LDB2: variants seen among roughly 807,000 people sequenced by gnomAD.
LDB2 encodes the protein LIM domain-binding protein 2.
A neutral mutation model predicts 44.3 loss-of-function variants in LDB2; 12 were observed. The ratio of observed to expected loss-of-function variants is 0.27; its 90% CI spans 0.17 to 0.44. The LOEUF (loss-of-function observed/expected upper bound fraction) is 0.44. LDB2 is among the 20% of genes least tolerant of loss of function. The pLI, the probability that LDB2 is intolerant of heterozygous loss-of-function variation, is 1.00. For synonymous variants in LDB2, 164 were observed against 174.8 expected (o/e 0.94, Z 0.49); for missense variants, 344 against 473.5 (o/e 0.73, Z 2.54).
intron 2 of LDB2, among the ~76,000 whole-genome samples, chr4:16,724,375 T>G (rs1758976758): frequency 6.6e-6 from 1 of 151,214 alleles, no homozygotes. Context: ...GAAAATCACC[T>G]TAGTTTGGCA....
At chr4:16,891,498 A>T (rs1723398407) in intron 1 of LDB2, among the ~76,000 whole-genome samples, 1 of 151,858 alleles carries the variant, frequency 6.6e-6, no homozygotes, top group Non-Finnish European at 1.5e-5. Flanking sequence ...TTTTTAGTAG[A>T]GGCAGGGTTT....
chr4:16,777,787 G>T (rs914126627), intron 1 of LDB2, among the ~76,000 whole-genome samples: 8 of 152,176 alleles, frequency 5.3e-5, no homozygotes, highest in African/African-American at 1.9e-4. Context: ...GATCATATGT[G>T]CAGAGTGCTT....
chr4:16,738,546 G>A (rs1304054608), intron 2 of LDB2, among the ~76,000 whole-genome samples: 1 of 152,064 alleles, frequency 6.6e-6, no homozygotes, highest in Non-Finnish European at 1.5e-5. Context: ...TTAACCCTTT[G>A]GTACATAAAA....
At chr4:16,655,896 C>CTT (rs747097456) in intron 2 of LDB2, among the ~76,000 whole-genome samples, 1,173 of 93,218 alleles carry the variant, frequency 0.013, 118 homozygotes, top group African/African-American at 0.048. Flanking sequence ...TGCAAGAAAA[C>CTT]TTTTTTTTTT....
At chr4:16,790,978 C>T (rs1046102575) in intron 1 of LDB2, among the ~76,000 whole-genome samples, 1 of 152,150 alleles carries the variant, frequency 6.6e-6, no homozygotes, top group Non-Finnish European at 1.5e-5. Flanking sequence ...TTCTTCACAC[C>T]CTTTTTGCTC....
At chr4:16,765,891 CTT>C (rs1177963513) in intron 1 of LDB2, among the ~76,000 whole-genome samples, 1 of 152,074 alleles carries the variant, frequency 6.6e-6, no homozygotes, top group African/African-American at 2.4e-5. Flanking sequence ...TTTGAGCCAC[CTT>C]TGGAGTATTA....
At chr4:16,697,461 C>CA (rs536264550) in intron 2 of LDB2, among the ~76,000 whole-genome samples, 3,523 of 138,300 alleles carry the variant, frequency 0.025, 43 homozygotes, top group South Asian at 0.034. Flanking sequence ...GACTCCGTCC[C>CA]AAAAAAAAAA....
chr4:16,506,449 C>T (rs1327810365), intron 7 of LDB2: 1 of 155,680 alleles, frequency 6.4e-6, no homozygotes, highest in Non-Finnish European at 1.4e-5. Context: ...TACAGGTAAC[C>T]TCCAGTAAAA....
intron 5 of LDB2, among the ~76,000 whole-genome samples, chr4:16,584,211 C>A (rs144036848): frequency 0.018 from 2,669 of 152,230 alleles, 34 homozygotes; most frequent in South Asian, 0.051. Context: ...GTGCTAAGCC[C>A]TTTACATGGA....
chr4:16,731,350 T>C (rs764405450), intron 2 of LDB2, among the ~76,000 whole-genome samples: 7 of 152,162 alleles, frequency 4.6e-5, no homozygotes, highest in Non-Finnish European at 1.0e-4. Context: ...TCCTTCAGAA[T>C]TCGTATGTTG....
At chr4:16,895,434 C>A (rs548412227) in intron 1 of LDB2, among the ~76,000 whole-genome samples, 1 of 152,048 alleles carries the variant, frequency 6.6e-6, no homozygotes. Flanking sequence ...TTTCCAGAAA[C>A]TTGATTACAA....
In LDB2 at chr4:16,725,077, C is replaced by A. The variant is rs868804217; in HGVS notation, c.235+34081G>T. On this transcript the variant is annotated intron_variant, in intron 2 of 7. Transcript: ENST00000304523. The stretch of plus-strand genomic sequence containing the variant: ...AGGACTTATCCACTTCTCTCTTTTG[C>A]AACTGCTTGTCCACATATAGAAGCA... Among the ~76,000 whole-genome samples the A allele has an allele frequency of 7.2e-5, 11 of 152,258 alleles. 1 individual carries two copies. In the South Asian group the frequency reaches 1.0e-3, roughly 14 times the overall value.
At chr4:16,719,254 A>G (rs1163427028) in intron 2 of LDB2, among the ~76,000 whole-genome samples, 2 of 152,130 alleles carry the variant, frequency 1.3e-5, no homozygotes, top group African/African-American at 4.8e-5. Context: ...CTCCTTCAGT[A>G]AAGGCTAAAA....
intron 5 of LDB2, among the ~76,000 whole-genome samples, chr4:16,581,746 C>T (rs1429507337): frequency 2.0e-5 from 3 of 152,152 alleles, no homozygotes; most frequent in South Asian, 2.1e-4. Flanking sequence ...TCTTTTGTGC[C>T]TGGAATCAGA....
intron 2 of LDB2, among the ~76,000 whole-genome samples, chr4:16,637,299 ATTTTTTT>A (rs34484721): frequency 1.5e-4 from 13 of 85,482 alleles, no homozygotes; most frequent in African/African-American, 2.9e-4. Flanking sequence ...GCCTAGGCTG[ATTTTTTT>A]TTTTTTTTTT....
At chr4:16,535,176 G>A (rs1731381591) in intron 5 of LDB2, among the ~76,000 whole-genome samples, 1 of 152,186 alleles carries the variant, frequency 6.6e-6, no homozygotes, top group South Asian at 2.1e-4. Flanking sequence ...AAAACCATTT[G>A]GATGACCGTG....
At chr4:16,556,124 C>A (rs1167021684) in intron 5 of LDB2, among the ~76,000 whole-genome samples, 1 of 152,184 alleles carries the variant, frequency 6.6e-6, no homozygotes, top group Non-Finnish European at 1.5e-5. Flanking sequence ...AGGCAAATTT[C>A]CTTTGTTGTA....
chr4:16,517,912 TG>T (rs1724443171), intron 5 of LDB2, among the ~76,000 whole-genome samples: 3 of 150,852 alleles, frequency 2.0e-5, no homozygotes, highest in Admixed American at 6.6e-5. Flanking sequence ...GATGGATGGA[TG>T]GATGGATGGA....
At chr4:16,565,208 T>C (rs1158929209) in intron 5 of LDB2, among the ~76,000 whole-genome samples, 1 of 152,252 alleles carries the variant, frequency 6.6e-6, no homozygotes, top group Non-Finnish European at 1.5e-5. Context: ...AGCCTGTGAA[T>C]GTGGGTTTTC....
Sources: gnomAD v4.1 joint callset for allele counts (sites outside exome capture counted in the v4.1 genomes callset) on GRCh38, gnomAD v4.1.1 for gene constraint, MANE v1.5 for transcripts, NCBI Gene and HGNC (gene_info 2026-07-23, HGNC 2026-07-21) for gene names.